Variants in FAM120B observed in about 807,000 individuals in gnomAD.
FAM120B encodes the protein family with sequence similarity 120 member B, also known as constitutive coactivator of peroxisome proliferator-activated receptor gamma.
Under a neutral mutation model 96.3 loss-of-function variants are expected in FAM120B, and 83 were observed. That is an observed-to-expected ratio of 0.86 (90% CI 0.72 to 1.03). The LOEUF (loss-of-function observed/expected upper bound fraction) is 1.03, where lower values mean the gene tolerates loss of function less well. FAM120B is among the 50% of genes least tolerant of loss of function. The probability of loss-of-function intolerance (pLI) is 0.00; values close to 1 mark genes in which losing one functional copy is unlikely to be tolerated. For synonymous variants in FAM120B, 407 were observed against 402.7 expected (o/e 1.01, Z -0.13); for missense variants, 1,027 against 1,121.2 (o/e 0.92, Z 1.20).
At chr6:170,349,821 A>G (rs994210327) in intron 5 of FAM120B, among the ~76,000 whole-genome samples, 1 of 152,188 alleles carries the variant, frequency 6.6e-6, no homozygotes, top group Non-Finnish European at 1.5e-5. Context: ...TCAGATTTTC[A>G]CATTGGGACT....
At chr6:170,336,802 T>C (rs1458562834) in intron 4 of FAM120B, among the ~76,000 whole-genome samples, 1 of 152,208 alleles carries the variant, frequency 6.6e-6, no homozygotes, top group South Asian at 2.1e-4. Context: ...CAATTGTGAA[T>C]GGGAGTTCAC....
At chr6:170,359,213 C>T (rs958996625) in intron 6 of FAM120B, among the ~76,000 whole-genome samples, 4 of 152,048 alleles carry the variant, frequency 2.6e-5, no homozygotes, top group African/African-American at 9.7e-5. Context: ...CCAGCCTGGC[C>T]AACATGGTGA....
In FAM120B at chr6:170,317,926, A is replaced by G; in HGVS notation, c.536A>G (p.Asp179Gly). The G allele has an allele frequency of 6.2e-7, 1 of 1,614,178 alleles. No homozygotes were observed. Among genetic ancestry groups the G allele is most frequent in the Non-Finnish European group, 8.5e-7 (1 of 1,180,016 alleles). ...QHNCLGILGE[D>G]TDYLIYDTCP... is the part of the protein sequence containing the mutation. ...AACTGTCTTGGGATTCTGGGGGAAG[A>G]CACTGATTACCTAATCTATGACACT... The change falls in exon 2 of 11, where the codon GAC becomes GGC. Residue 179 changes from aspartate to glycine, a missense_variant. Coordinates refer to ENST00000476287, the MANE Select transcript of FAM120B (RefSeq NM_032448.3).
chr6:170,369,488 AAAGGT>A (rs1218958090), intron 6 of FAM120B, among the ~76,000 whole-genome samples: 1 of 152,204 alleles, frequency 6.6e-6, no homozygotes, highest in East Asian at 1.9e-4. Context: ...GGAAGCAAGA[AAAGGT>A]AAGAAGGACT....
At chr6:170,302,518 A>C (rs925627361), upstream of FAM120B, among the ~76,000 whole-genome samples, 5 of 152,244 alleles carry the variant, frequency 3.3e-5, no homozygotes, top group African/African-American at 1.2e-4. Context: ...TAAAAACTGC[A>C]AATACATCTT....
At chr6:170,377,878 T>C (rs1789656714) in intron 6 of FAM120B, among the ~76,000 whole-genome samples, 1 of 107,036 alleles carries the variant, frequency 9.3e-6, no homozygotes, top group Admixed American at 8.7e-5. Flanking sequence ...CGGCTCACGC[T>C]GCTCGGTGCT....
rs181906535 is a variant in FAM120B, at chr6:170,326,558, C to T, written c.1915+3299C>T. Among the ~76,000 whole-genome samples the T allele has an allele frequency of 1.3e-3, 204 of 152,232 alleles. 1 individual carries two copies. The highest frequency in any genetic ancestry group is 4.6e-3 in the African/African-American group (192 of 41,540). On this transcript the variant is annotated intron_variant, in intron 3 of 10. Transcript: ENST00000476287. Reference sequence around the variant, plus strand: ...TTGGCACACTTTTTCTGTGAAGGGTCAGATAATAATAAATATTGTAGGTTT... The same window carrying T: ...TTGGCACACTTTTTCTGTGAAGGGTTAGATAATAATAAATATTGTAGGTTT...
rs118070131 is a variant in FAM120B at position 170,400,463 on chromosome 6, C to T, written c.2693-4087C>T. Among the ~76,000 whole-genome samples, 564 of 152,228 alleles carry T rather than the reference C, an allele frequency of 3.7e-3. 2 individuals are homozygous for T. The highest frequency in any genetic ancestry group is 6.6e-3 in the South Asian group (32 of 4,824). On this transcript the variant is annotated intron_variant, in intron 9 of 10. Transcript: ENST00000476287. Reference sequence around the variant, plus strand: ...TTCTTTCATTTTCTTCCAGAGGCGGCCTGCTGTGGTAGCTTCAGACAGGCT... The same window carrying T: ...TTCTTTCATTTTCTTCCAGAGGCGGTCTGCTGTGGTAGCTTCAGACAGGCT...
intron 1 of FAM120B, among the ~76,000 whole-genome samples, chr6:170,307,581 A>G (rs1171549103): frequency 6.6e-6 from 1 of 152,270 alleles, no homozygotes; most frequent in Non-Finnish European, 1.5e-5. Flanking sequence ...TGTTTAAGAC[A>G]TGAAGGTTTC....
intron 1 of FAM120B, among the ~76,000 whole-genome samples, chr6:170,297,348 C>G (rs1409257219): frequency 6.6e-6 from 1 of 152,244 alleles, no homozygotes; most frequent in Non-Finnish European, 1.5e-5. Context: ...GAGCATCTGC[C>G]GGGGAGAACA....
At chr6:170,367,944 C>T (rs755738611) in intron 6 of FAM120B, among the ~76,000 whole-genome samples, 7 of 152,174 alleles carry the variant, frequency 4.6e-5, no homozygotes, top group Non-Finnish European at 1.0e-4. Context: ...CTGTGGCTGA[C>T]TCACATGGAT....
chr6:170,345,987 G>A (rs1294097844), intron 4 of FAM120B, among the ~76,000 whole-genome samples: 1 of 152,226 alleles, frequency 6.6e-6, no homozygotes, highest in Non-Finnish European at 1.5e-5. Flanking sequence ...TGTGAAGCGT[G>A]TGGCTGCCGA....
In FAM120B at chr6:170,406,089, C is replaced by T. The variant is rs535386045; in HGVS notation, c.*1338C>T. On this transcript the variant is annotated 3_prime_UTR_variant, in exon 11 of 11. Transcript: ENST00000476287. ...GTCACCAAAGAATTGAAATTTTAAGCCCCAGATTGTACTGAGCTGTACCTG... is the reference window on the plus strand; with the variant it reads ...GTCACCAAAGAATTGAAATTTTAAGTCCCAGATTGTACTGAGCTGTACCTG... 1 of 152,288 alleles carries T rather than the reference C, an allele frequency of 6.6e-6. No homozygotes were observed. The highest frequency in any genetic ancestry group is 1.5e-5 in the Non-Finnish European group (1 of 68,030). 9.4% of individuals were successfully genotyped at this position (152,288 alleles called of 1,614,324 possible).
chr6:170,396,444 T>C (rs906839233), intron 9 of FAM120B, among the ~76,000 whole-genome samples: 4 of 152,198 alleles, frequency 2.6e-5, no homozygotes, highest in African/African-American at 9.7e-5. Flanking sequence ...TGAGAATTGA[T>C]GGTGAATGTT....
chr6:170,327,936 G>A lies in FAM120B; in HGVS notation c.1916-2513G>A, dbSNP rs1486417630. ...ACACGCAGGCTGCTCTGGTGACTCC[G>A]GTGAGCGAGTGGGAAGTGAATGGGA... On this transcript the variant is annotated intron_variant, in intron 3 of 10. Coordinates refer to ENST00000476287, the MANE Select transcript of FAM120B (RefSeq NM_032448.3). 1.3e-4 allele frequency among the ~76,000 whole-genome samples: 19 copies of A among 150,738 alleles called. 1 individual carries two copies. The highest frequency in any genetic ancestry group is 1.1e-3 in the Admixed American group (16 of 15,146).
intron 4 of FAM120B, among the ~76,000 whole-genome samples, chr6:170,336,898 T>C (rs752453907): frequency 6.6e-6 from 1 of 152,234 alleles, no homozygotes; most frequent in African/African-American, 2.4e-5. Context: ...GCTGAGACTT[T>C]GCTGAAGTTG....
rs112210589 is a variant in FAM120B at position 170,318,751 on chromosome 6, G to C, written c.1361G>C (p.Gly454Ala). ...EPRQEVPMYT[G>A]SEPRQEVPMY... is the part of the protein sequence containing the mutation. The stretch of plus-strand genomic sequence containing the variant: ...AGGCAAGAAGTTCCCATGTATACAG[G>C]CTCTGAACCCAGGCAAGAAGTTCCC... The change falls in exon 2 of 11, where the codon GGC becomes GCC. Residue 454 changes from glycine to alanine, a missense_variant. Physicochemically the swap from Gly to Ala is moderately conservative, Grantham distance 60 (BLOSUM62 0). Around this residue, in one of 3 missense-constraint regions of FAM120B, gnomAD observed 880 missense variants for 980.9 expected, o/e 0.90. Transcript: ENST00000476287. 5.2e-4 allele frequency: 809 copies of C among 1,557,676 alleles called. 16 individuals are homozygous for C. In the African/African-American group the frequency reaches 0.012, roughly 22 times the overall value.
Position 170,318,234 on chromosome 6 carries a change from A to T in FAM120B, c.844A>T (p.Lys282Ter), listed in dbSNP as rs1431155909. ...SKVLYLYQGEKKLEEILPLGP... is the reference protein window; with the variant it reads ...SKVLYLYQGE ...AGTTCTTTACTTGTATCAAGGTGAG[A>T]AAAAATTAGAAGAGATATTACCTCT... Residue 282 changes from lysine (K) to a stop codon, truncating the protein, a stop_gained, in exon 2 of 11, where the codon AAA (lysine) becomes TAA (stop). Transcript: ENST00000476287. LOFTEE classifies it high-confidence loss of function. 1 of 1,613,732 alleles carries T rather than the reference A, an allele frequency of 6.2e-7. No individual in the cohort carries two copies. The highest frequency in any genetic ancestry group is 2.2e-5 in the East Asian group (1 of 44,888).
chr6:170,331,372 ATT>A (rs1786024217), intron 4 of FAM120B, among the ~76,000 whole-genome samples: 1 of 152,210 alleles, frequency 6.6e-6, no homozygotes, highest in African/African-American at 2.4e-5. Context: ...TGAACGTGTA[ATT>A]TACCAAGTAC....
Sources: gnomAD v4.1 joint callset for allele counts (sites outside exome capture counted in the v4.1 genomes callset) on GRCh38, gnomAD v4.1.1 for gene constraint, gnomAD v4.1.1 regional missense constraint, MANE v1.5 for transcripts, NCBI Gene and HGNC (gene_info 2026-07-23, HGNC 2026-07-21) for gene names.